Variants in KCNN1 observed in about 807,000 individuals in gnomAD.
KCNN1 encodes the protein small conductance calcium-activated potassium channel protein 1.
Under a neutral mutation model 44.7 loss-of-function variants are expected in KCNN1, and 20 were observed. The ratio of observed to expected loss-of-function variants is 0.45; its 90% CI spans 0.32 to 0.65. The LOEUF (loss-of-function observed/expected upper bound fraction) is 0.65, where lower values mean the gene tolerates loss of function less well. KCNN1 is among the 30% of genes least tolerant of loss of function. KCNN1 has a pLI of 0.05. For synonymous variants in KCNN1, 324 were observed against 341.7 expected, an observed-to-expected ratio of 0.95 and a Z score of 0.57; for missense variants, 632 against 785.3, an observed-to-expected ratio of 0.80 and a Z score of 2.33.
chr19:17,975,015 G>A (rs2032158450), intron 2 of KCNN1, 77 bp from the exon 3 acceptor site: 4 of 1,122,552 alleles, frequency 3.6e-6, no homozygotes, highest in Non-Finnish European at 5.4e-6. Flanking sequence ...ATGCCCGGGA[G>A]CCAGGGTAAG....
Position 17,998,624 on chromosome 19 carries a change from C to T in KCNN1, c.*218C>T. On this transcript the variant is annotated 3_prime_UTR_variant, in exon 10 of 10. Coordinates refer to ENST00000684775, the MANE Select transcript of KCNN1 (RefSeq NM_001386974.1). This position sits in a 1 kb window ranked among gnomAD's most constrained non-coding sequence, Gnocchi z 5.4. ...GGAGCTTCCTCTGGTCACCTGGTCC[C>T]CCGACTCTCCCCAGGCCCCCGGTGG... 6.2e-6 allele frequency: 3 copies of T among 484,458 alleles called. No homozygotes were observed. Among genetic ancestry groups the T allele is most frequent in the Non-Finnish European group, 3.6e-6 (1 of 281,154 alleles). 30.0% of individuals were successfully genotyped at this position (484,458 alleles called of 1,614,324 possible). A position where few individuals can be genotyped will look rare whatever the true frequency, so the allele number is the denominator to read the frequency against.
intron 9 of KCNN1, among the ~76,000 whole-genome samples, chr19:17,994,234 C>T (rs2032903781): frequency 6.6e-6 from 1 of 151,776 alleles, no homozygotes; most frequent in Non-Finnish European, 1.5e-5. Flanking sequence ...CACTTGAGCC[C>T]AAGAGGTTGA....
intron 3 of KCNN1, among the ~76,000 whole-genome samples, chr19:17,980,404 G>A (rs1270134704): frequency 1.3e-5 from 2 of 151,826 alleles, no homozygotes; most frequent in Non-Finnish European, 2.9e-5. Context: ...TGGAGGTTGT[G>A]AATAGTGCCG....
chr19:17,958,865 T>C (rs912288106), intron 2 of KCNN1, among the ~76,000 whole-genome samples: 1 of 147,352 alleles, frequency 6.8e-6, no homozygotes, highest in Non-Finnish European at 1.5e-5. Context: ...GCCTGGCTAA[T>C]TTTTTTTTGT....
chr19:17,954,363 A>G (rs2031490475), intron 1 of KCNN1, among the ~76,000 whole-genome samples: 1 of 152,104 alleles, frequency 6.6e-6, no homozygotes, highest in Admixed American at 6.5e-5. Context: ...AGGCTGAGGC[A>G]GGAGAATTGT....
intron 7 of KCNN1, among the ~76,000 whole-genome samples, chr19:17,992,452 T>C (rs1476623728): frequency 1.3e-5 from 2 of 152,076 alleles, no homozygotes; most frequent in Non-Finnish European, 2.9e-5. Flanking sequence ...ATACAAAAAT[T>C]AAACCAGGTG....
chr19:17,991,559 C>T (rs1445174108), intron 7 of KCNN1, among the ~76,000 whole-genome samples: 1 of 151,826 alleles, frequency 6.6e-6, no homozygotes, highest in Non-Finnish European at 1.5e-5. Flanking sequence ...ATGGCGAAAC[C>T]TTGTCTCTAC....
intron 2 of KCNN1, among the ~76,000 whole-genome samples, chr19:17,955,478 T>C (rs2031519406): frequency 6.7e-6 from 1 of 148,402 alleles, no homozygotes; most frequent in Non-Finnish European, 1.5e-5. Context: ...GGAGAATCAC[T>C]TGAACCCAGG....
chr19:17,976,291 G>C (rs1568452265), intron 3 of KCNN1, among the ~76,000 whole-genome samples: 1 of 151,912 alleles, frequency 6.6e-6, no homozygotes, highest in Non-Finnish European at 1.5e-5. Flanking sequence ...CTGGGCAACA[G>C]AGCAAGACTC....
chr19:17,975,124 C>T lies in KCNN1; in HGVS notation c.435C>T (p.Leu145=). ...TGTACTCATTCGCACTCAAATGCCT[C>T]ATCAGCCTCTCCACGGCCATCCTGC... ...ESLYSFALKC[L]ISLSTAILLG... The change falls in exon 3 of 10, where the codon CTC becomes CTT. Residue 145 remains leucine (L), a synonymous_variant. Coordinates refer to ENST00000684775, the MANE Select transcript of KCNN1 (RefSeq NM_001386974.1). The T allele has an allele frequency of 6.2e-7, 1 of 1,613,784 alleles. No individual in the cohort carries two copies. The highest frequency in any genetic ancestry group is 1.1e-5 in the South Asian group (1 of 91,068).
At chr19:17,966,985 G>A (rs2031830442), upstream of KCNN1, 1 of 292,772 alleles carries the variant, frequency 3.4e-6, no homozygotes, top group South Asian at 1.3e-4. Flanking sequence ...GGGGCGCCGG[G>A]GAATGTGGGA....
Position 17,993,199 on chromosome 19 carries a change from C to A in KCNN1, c.1307+137C>A. On this transcript the variant is annotated intron_variant, in intron 8 of 9. Coordinates refer to ENST00000684775, the MANE Select transcript of KCNN1 (RefSeq NM_001386974.1). This position sits in a 1 kb window ranked among gnomAD's most constrained non-coding sequence, Gnocchi z 4.5. The stretch of plus-strand genomic sequence containing the variant: ...TTCACATCTGCCCCATGGATCCGTG[C>A]AGGCTTCACCTTGGTCTGGGATCCA... The A allele has an allele frequency of 1.9e-6, 2 of 1,071,354 alleles. No individual in the cohort carries two copies. Among genetic ancestry groups the A allele is most frequent in the Non-Finnish European group, 2.8e-6 (2 of 719,030 alleles). 66.4% of individuals were successfully genotyped at this position (1,071,354 alleles called of 1,614,324 possible). A position where few individuals can be genotyped will look rare whatever the true frequency, so the allele number is the denominator to read the frequency against.
chr19:17,992,854 CCCCTGAGGGGCTGGCACAGAA>C (rs1447074065), intron 7 of KCNN1, among the ~76,000 whole-genome samples, 179 bp from the exon 8 acceptor site: 2 of 152,168 alleles, frequency 1.3e-5, no homozygotes, highest in Non-Finnish European at 2.9e-5. Flanking sequence ...GACAGGTGTG[CCCCTGAGGGGCTGGCACAGAA>C]CCCTCAGAGG....
At chr19:17,997,261 C>A (rs1374278671) in intron 9 of KCNN1, among the ~76,000 whole-genome samples, 1 of 152,176 alleles carries the variant, frequency 6.6e-6, no homozygotes, top group African/African-American at 2.4e-5. Context: ...TGGCAGTTCA[C>A]GACTGAACAG....
At chr19:17,952,112 G>C (rs1031342454) in intron 1 of KCNN1, 8 of 150,536 alleles carry the variant, frequency 5.3e-5, no homozygotes, top group Admixed American at 4.6e-4. Flanking sequence ...GACGCCTTGC[G>C]GGGGGGAGGG....
intron 1 of KCNN1, among the ~76,000 whole-genome samples, chr19:17,972,616 C>G (rs982083797): frequency 6.6e-6 from 1 of 152,182 alleles, no homozygotes; most frequent in Admixed American, 6.5e-5. Flanking sequence ...TGGATCCCCT[C>G]CTGCCCAGGC....
Position 17,974,297 on chromosome 19 carries a change from G to A in KCNN1, c.402+7G>A, listed in dbSNP as rs755456402. ...CTGGGGGGTGTACACCAAGGTAGGC[G>A]TGGTCCTCCCCCAGGCACTCCAGGG... On this transcript the variant is annotated splice_region_variant and intron_variant, in intron 2 of 9. Transcript: ENST00000684775. This position sits in a 1 kb window ranked among gnomAD's most constrained non-coding sequence, Gnocchi z 7.3. 15 of 1,550,514 alleles carry A rather than the reference G, an allele frequency of 9.7e-6. No homozygotes were observed. The highest frequency in any genetic ancestry group is 1.4e-5 in the African/African-American group (1 of 73,348).
At chr19:17,956,996 G>A (rs746437685) in intron 2 of KCNN1, among the ~76,000 whole-genome samples, 3 of 150,916 alleles carry the variant, frequency 2.0e-5, no homozygotes, top group Non-Finnish European at 2.9e-5. Context: ...AGGTTGCAGT[G>A]AGCCGAAATT....
At chr19:17,975,461 T>G (rs911244433) in intron 3 of KCNN1, among the ~76,000 whole-genome samples, 51 of 152,246 alleles carry the variant, frequency 3.3e-4, no homozygotes, top group African/African-American at 1.2e-3. Context: ...ACGGGTTGTT[T>G]CCAGGCTGGA....
Sources: allele counts gnomAD v4.1 joint callset (sites outside exome capture counted in the v4.1 genomes callset), GRCh38; gene constraint gnomAD v4.1.1; non-coding constraint Gnocchi (gnomAD v3.1); transcripts MANE v1.5; gene names NCBI Gene and HGNC (gene_info 2026-07-23, HGNC 2026-07-21).